CTNNAL1: variants seen among roughly 807,000 people sequenced by gnomAD.
The protein encoded by CTNNAL1 is alpha-catulin.
In CTNNAL1, 69 loss-of-function variants were observed where a neutral mutation model predicts 93.6. That is an observed-to-expected ratio of 0.74 (90% CI 0.61 to 0.90). The LOEUF (loss-of-function observed/expected upper bound fraction) is 0.90. Ranked by LOEUF, CTNNAL1 falls within the 40% of genes least tolerant of loss-of-function variation. The probability of loss-of-function intolerance (pLI) is 0.00; values close to 1 mark genes in which losing one functional copy is unlikely to be tolerated. For missense variants in CTNNAL1, 836 were observed against 862.0 expected (o/e 0.97, Z 0.38); for synonymous variants, 286 against 305.4 (o/e 0.94, Z 0.66).
At chr9:109,001,682 T>C (rs993851059) in intron 1 of CTNNAL1, among the ~76,000 whole-genome samples, 12 of 152,212 alleles carry the variant, frequency 7.9e-5, no homozygotes, top group African/African-American at 2.9e-4. Flanking sequence ...AGTGAAGAAC[T>C]GAGGCTTCAT....
intron 10 of CTNNAL1, among the ~76,000 whole-genome samples, chr9:108,969,869 G>A (rs1381010630): frequency 6.6e-6 from 1 of 152,082 alleles, no homozygotes; most frequent in East Asian, 1.9e-4. Context: ...AGAGGGTCTT[G>A]CTGTGTTGCC....
At chr9:108,972,864 G>GGGGGGGGGGGGGGGGGCCCCCC in intron 8 of CTNNAL1, 31 bp from the exon 9 acceptor site, 1 of 142,564 alleles carries the variant, frequency 7.0e-6, no homozygotes, top group Non-Finnish European at 1.0e-5. Context: ...GGGGGGGTGG[G>GGGGGGGGGGGGGGGGGCCCCCC]AGGGTGGAGA....
intron 2 of CTNNAL1, among the ~76,000 whole-genome samples, chr9:108,995,324 T>G (rs1196505734): frequency 6.6e-6 from 1 of 152,182 alleles, no homozygotes; most frequent in Admixed American, 6.5e-5. Flanking sequence ...GTTAATTTTT[T>G]TCTACACCTC....
chr9:108,960,155 A>G (rs1302954202), intron 11 of CTNNAL1, among the ~76,000 whole-genome samples: 1 of 152,172 alleles, frequency 6.6e-6, no homozygotes, highest in African/African-American at 2.4e-5. Context: ...CTGACCACTA[A>G]AGCATAGGCA....
At chr9:108,985,473 T>C (rs1831577400) in intron 4 of CTNNAL1, among the ~76,000 whole-genome samples, 2 of 152,206 alleles carry the variant, frequency 1.3e-5, no homozygotes, top group South Asian at 4.1e-4. Flanking sequence ...GAAAGTAAAT[T>C]TGCTTGAATA....
chr9:108,953,173 T>C (rs868002888), intron 12 of CTNNAL1, among the ~76,000 whole-genome samples: 11 of 152,224 alleles, frequency 7.2e-5, no homozygotes, highest in South Asian at 4.1e-4. Flanking sequence ...GTATTTTCCC[T>C]AGAAGGGGAG....
intron 4 of CTNNAL1, among the ~76,000 whole-genome samples, chr9:108,988,179 G>T (rs1831673808): frequency 3.9e-5 from 6 of 152,144 alleles, no homozygotes; most frequent in Admixed American, 1.3e-4. Flanking sequence ...TGCTTCCCAG[G>T]TTCAAGTAAT....
rs1373420864 is a variant in CTNNAL1, at chr9:109,013,449, C to CGG, written c.-9_-8dup. Reference sequence around the variant, plus strand: ...GTCCGGGAGAGGCGGCCATGGCCCTCGGTCTATCCCGCAGCCGGGACTCCG... The same window carrying CGG: ...GTCCGGGAGAGGCGGCCATGGCCCTCGGGGTCTATCCCGCAGCCGGGACTCCG... On this transcript the variant is annotated 5_prime_UTR_variant, in exon 1 of 19. Coordinates refer to ENST00000325551, the MANE Select transcript of CTNNAL1 (RefSeq NM_003798.4). 4 of 1,413,928 alleles carry CGG rather than the reference C, an allele frequency of 2.8e-6. No homozygotes were observed. The East Asian group carries it at 1.2e-4, about 44-fold the overall frequency. The allele number at this position is 1,413,928 out of a possible 1,614,324, so 87.6% of individuals were successfully genotyped here. A position where few individuals can be genotyped will look rare whatever the true frequency, so the allele number is the denominator to read the frequency against.
chr9:108,956,486 C>G (rs1278821535), intron 11 of CTNNAL1, among the ~76,000 whole-genome samples: 1 of 152,182 alleles, frequency 6.6e-6, no homozygotes, highest in Admixed American at 6.5e-5. Flanking sequence ...TTTATAAATG[C>G]TGGTTTGTGA....
chr9:108,950,124 GT>G (rs1406115946), intron 14 of CTNNAL1, among the ~76,000 whole-genome samples: 4 of 151,440 alleles, frequency 2.6e-5, no homozygotes, highest in African/African-American at 9.7e-5. Context: ...ATTCCCCCAA[GT>G]CTTATTAGTC....
At chr9:108,972,864 G>GGGGGGGGCGCCCCCCCCCC in intron 8 of CTNNAL1, 31 bp from the exon 9 acceptor site, 6 of 142,556 alleles carry the variant, frequency 4.2e-5, no homozygotes, top group South Asian at 1.2e-4. Flanking sequence ...GGGGGGGTGG[G>GGGGGGGGCGCCCCCCCCCC]AGGGTGGAGA....
At chr9:109,002,486 G>A (rs1826867129) in intron 1 of CTNNAL1, among the ~76,000 whole-genome samples, 1 of 152,156 alleles carries the variant, frequency 6.6e-6, no homozygotes. Context: ...TCCTTGTTAT[G>A]TGGTGACAGA....
At chr9:108,949,065 G>A (rs1365421222) in intron 14 of CTNNAL1, among the ~76,000 whole-genome samples, 1 of 151,976 alleles carries the variant, frequency 6.6e-6, no homozygotes, top group African/African-American at 2.4e-5. Flanking sequence ...AAATTATTAA[G>A]AAATATGAAT....
intron 6 of CTNNAL1, 97 bp from the exon 7 acceptor site, chr9:108,979,578 G>T: frequency 8.9e-7 from 1 of 1,127,126 alleles, no homozygotes; most frequent in Non-Finnish European, 1.3e-6. Flanking sequence ...GAAAACACTA[G>T]CATTTCCTTT....
At chr9:108,972,864 G>GCTC in intron 8 of CTNNAL1, 31 bp from the exon 9 acceptor site, 1 of 142,590 alleles carries the variant, frequency 7.0e-6, no homozygotes, top group Non-Finnish European at 1.0e-5. Flanking sequence ...GGGGGGGTGG[G>GCTC]AGGGTGGAGA....
intron 9 of CTNNAL1, among the ~76,000 whole-genome samples, chr9:108,971,500 G>C (rs28361143): frequency 0.018 from 2,726 of 152,286 alleles, 32 homozygotes; most frequent in Non-Finnish European, 0.025. Context: ...AATCATGGGG[G>C]CAGTTTCCTC....
chr9:108,986,588 C>T (rs2132162753), intron 4 of CTNNAL1, among the ~76,000 whole-genome samples: 1 of 151,696 alleles, frequency 6.6e-6, no homozygotes, highest in African/African-American at 2.4e-5. Context: ...TTCTAGATCC[C>T]TGAGGAATCG....
chr9:108,978,332 A>C (rs1831323837), intron 7 of CTNNAL1, among the ~76,000 whole-genome samples: 1 of 152,224 alleles, frequency 6.6e-6, no homozygotes, highest in African/African-American at 2.4e-5. Context: ...AACATCAGAG[A>C]AATCTGTGAT....
At chr9:108,950,048 C>T (rs1334187454) in intron 14 of CTNNAL1, among the ~76,000 whole-genome samples, 1 of 149,220 alleles carries the variant, frequency 6.7e-6, no homozygotes, top group African/African-American at 2.5e-5. Flanking sequence ...AAAAACCAGG[C>T]AAGTCTATTG....
Sources: gnomAD v4.1 joint callset for allele counts (sites outside exome capture counted in the v4.1 genomes callset) on GRCh38, gnomAD v4.1.1 for gene constraint, MANE v1.5 for transcripts, NCBI Gene and HGNC (gene_info 2026-07-23, HGNC 2026-07-21) for gene names.